NOC3L: variants seen among roughly 807,000 people sequenced by gnomAD.
The protein encoded by NOC3L is nucleolar complex protein 3 homolog.
A neutral mutation model predicts 102.5 loss-of-function variants in NOC3L; 85 were observed. That is an observed-to-expected ratio of 0.83 (90% CI 0.70 to 0.99). The LOEUF (loss-of-function observed/expected upper bound fraction) is 0.99, where lower values mean the gene tolerates loss of function less well. NOC3L is among the 50% of genes least tolerant of loss of function. NOC3L has a pLI of 0.00. For missense variants in NOC3L, 878 were observed against 914.9 expected (o/e 0.96, Z 0.52); for synonymous variants, 303 against 309.4 (o/e 0.98, Z 0.22).
the NOC3L span, chr10:94,324,944 A>G: frequency 6.2e-7 from 1 of 1,614,208 alleles, no homozygotes; most frequent in Non-Finnish European, 8.5e-7. Context: ...GAACTCAAGA[A>G]GCTCACCAAG....
chr10:94,343,152 G>A (rs939321772), intron 13 of NOC3L, among the ~76,000 whole-genome samples: 1 of 151,426 alleles, frequency 6.6e-6, no homozygotes, highest in African/African-American at 2.4e-5. Context: ...GGGGGAGCTT[G>A]CAATTTTAAA....
At chr10:94,317,008 T>G in the NOC3L span, among the ~76,000 whole-genome samples, 2 of 152,182 alleles carry the variant, frequency 1.3e-5, no homozygotes, top group Non-Finnish European at 2.9e-5. Flanking sequence ...CTCAGCATTT[T>G]GGGAGGCCGA....
At position 94,357,203 on chromosome 10, in the gene NOC3L, C is replaced by A. The variant is rs369586078; in HGVS notation, c.479G>T (p.Gly160Val). 10 of 1,596,522 alleles carry A rather than the reference C, an allele frequency of 6.3e-6. No homozygotes were observed. The highest frequency in any genetic ancestry group is 1.7e-5 in the Admixed American group (1 of 57,994). Reference sequence around the variant, plus strand: ...CTTCTCCCTAGTCTGTGGGATTATACCACTTTTATCTTTGATAGGAAGTAA... The same window carrying A: ...CTTCTCCCTAGTCTGTGGGATTATAACACTTTTATCTTTGATAGGAAGTAA... ...IHLLPIKDKS[G>V]IIPQTREKPV... Residue 160 changes from glycine to valine, a missense_variant, in exon 4 of 21, where the codon GGT becomes GTT. By Grantham distance (109) the Gly-to-Val change is moderately radical. Coordinates refer to ENST00000371361, the MANE Select transcript of NOC3L (RefSeq NM_022451.11).
the NOC3L span, among the ~76,000 whole-genome samples, chr10:94,322,727 G>C: frequency 6.6e-6 from 1 of 151,946 alleles, no homozygotes; most frequent in African/African-American, 2.4e-5. Context: ...AGAGGTTGCA[G>C]TGAGCCGAGA....
Position 94,358,230 on chromosome 10 carries a change from C to T in NOC3L, c.218-15G>A, listed in dbSNP as rs2054511338. 1 of 1,241,534 alleles carries T rather than the reference C, an allele frequency of 8.1e-7. No homozygotes were observed. Among genetic ancestry groups the T allele is most frequent in the Non-Finnish European group, 1.2e-6 (1 of 856,754 alleles). The allele number at this position is 1,241,534 out of a possible 1,614,324, so 76.9% of individuals were successfully genotyped here. On this transcript the variant is annotated splice_polypyrimidine_tract_variant and intron_variant, in intron 2 of 20. Coordinates refer to ENST00000371361, the MANE Select transcript of NOC3L (RefSeq NM_022451.11). ...AATCCTTTTACCTGTACCACACACA[C>T]ACACACACAAAGAAAAATTAGAAAC...
rs142305111 is a variant in NOC3L at position 94,350,257 on chromosome 10, A to C, written c.984T>G (p.Asn328Lys). The C allele has an allele frequency of 6.2e-7, 1 of 1,614,164 alleles. No homozygotes were observed. Among genetic ancestry groups the C allele is most frequent in the Non-Finnish European group, 8.5e-7 (1 of 1,180,020 alleles). Residue 328 changes from asparagine to lysine, a missense_variant, in exon 9 of 21, where the codon AAT (asparagine) becomes AAG (lysine). Coordinates refer to ENST00000371361, the MANE Select transcript of NOC3L (RefSeq NM_022451.11). ...DWKQRKLKKS[N>K]VVSLKAYKGL... ...CTTTGTATGCCTTTAAGGAAACTAC[A>C]TTACTTTTCTTCAGCTTCCTCTGCT...
At chr10:94,358,779 T>C (rs912020603) in intron 2 of NOC3L, among the ~76,000 whole-genome samples, 1 of 152,182 alleles carries the variant, frequency 6.6e-6, no homozygotes, top group African/African-American at 2.4e-5. Context: ...ATGTAACCTT[T>C]CAATCCACTG....
At chr10:94,328,237 G>A (rs1040856592), downstream of NOC3L, 4 of 272,052 alleles carry the variant, frequency 1.5e-5, no homozygotes, top group Non-Finnish European at 1.5e-5. Flanking sequence ...AAGCTTGTCT[G>A]TAAAGGGCCA....
At chr10:94,362,102 CCAAACAGGTTA>C in intron 1 of NOC3L, 1 of 582,934 alleles carries the variant, frequency 1.7e-6, no homozygotes, top group Non-Finnish European at 3.1e-6. Context: ...TCTACGATCC[CCAAACAGGTTA>C]AGAACCACTG....
intron 6 of NOC3L, 22 bp downstream of exon 6, chr10:94,354,941 T>C: frequency 6.2e-7 from 1 of 1,609,740 alleles, no homozygotes; most frequent in African/African-American, 1.3e-5. Flanking sequence ...ACAAAGAGCC[T>C]AAAGAAATTA....
At position 94,334,181 on chromosome 10, in the gene NOC3L, T is replaced by C. The variant is rs150626689; in HGVS notation, c.2399A>G (p.His800Arg). The C allele has an allele frequency of 1.4e-3, 1,795 of 1,309,738 alleles. 2 individuals carry two copies. The highest frequency in any genetic ancestry group is 1.9e-3 in the African/African-American group (132 of 68,984). The allele number at this position is 1,309,738 out of a possible 1,614,324, so 81.1% of individuals were successfully genotyped here. A position where few individuals can be genotyped will look rare whatever the true frequency, so the allele number is the denominator to read the frequency against. Residue 800 changes from histidine (H) to arginine (R), a missense_variant, in exon 21 of 21, where the codon CAC (histidine) becomes CGC (arginine). Physicochemically the swap from His to Arg is conservative, Grantham distance 29. Coordinates refer to ENST00000371361, the MANE Select transcript of NOC3L (RefSeq NM_022451.11). The stretch of plus-strand genomic sequence containing the variant: ...TCCACTGACTTCATTCCTCTACTAG[T>C]GTAGTGATGTTTTCAAATATTTCGT... ...DFTKYLKTSL[H>R]
At chr10:94,350,696 G>A (rs1198960421) in intron 8 of NOC3L, among the ~76,000 whole-genome samples, 7 of 133,520 alleles carry the variant, frequency 5.2e-5, no homozygotes, top group South Asian at 2.3e-4. Context: ...CCAGCCTGGC[G>A]ACAGAGCAAG....
At chr10:94,341,430 T>TC (rs2054283618) in intron 14 of NOC3L, among the ~76,000 whole-genome samples, 1 of 150,074 alleles carries the variant, frequency 6.7e-6, no homozygotes, top group Non-Finnish European at 1.5e-5. Context: ...ATGCATCAAT[T>TC]TAAAAAAAAA....
rs1161994276 is a variant in NOC3L at position 94,334,145 on chromosome 10, A to G, written c.*32T>C. 2.0e-6 allele frequency: 2 copies of G among 978,260 alleles called. No homozygotes were observed. The highest frequency in any genetic ancestry group is 3.2e-6 in the Non-Finnish European group (2 of 615,524). 60.6% of individuals were successfully genotyped at this position (978,260 alleles called of 1,614,324 possible). A position where few individuals can be genotyped will look rare whatever the true frequency, so the allele number is the denominator to read the frequency against. On this transcript the variant is annotated 3_prime_UTR_variant, in exon 21 of 21. Transcript: ENST00000371361. Reference sequence around the variant, plus strand: ...TTTATGTACATCTGCACACACAAATATACAAGAAAGTCCACTGACTTCATT... The same window carrying G: ...TTTATGTACATCTGCACACACAAATGTACAAGAAAGTCCACTGACTTCATT...
chr10:94,322,784 TAA>T, the NOC3L span, among the ~76,000 whole-genome samples: 7 of 139,878 alleles, frequency 5.0e-5, no homozygotes, highest in Non-Finnish European at 6.2e-5. Flanking sequence ...AAACTTCGTC[TAA>T]AAAAAAAAAA....
intron 8 of NOC3L, among the ~76,000 whole-genome samples, chr10:94,350,535 C>T (rs1324302045): frequency 6.6e-6 from 1 of 151,346 alleles, no homozygotes; most frequent in Non-Finnish European, 1.5e-5. Context: ...ATGGTGAAAC[C>T]CCATCTCTAC....
At chr10:94,358,801 T>C (rs2054517781) in intron 2 of NOC3L, among the ~76,000 whole-genome samples, 1 of 152,146 alleles carries the variant, frequency 6.6e-6, no homozygotes, top group African/African-American at 2.4e-5. Flanking sequence ...CCACTCCACT[T>C]TCTATCTACC....
the NOC3L span, chr10:94,324,487 G>A: frequency 3.5e-5 from 56 of 1,614,202 alleles, no homozygotes; most frequent in African/African-American, 6.8e-4. Context: ...GGTCCTTCTG[G>A]ATCAGGAGTG....
At chr10:94,317,747 T>C in the NOC3L span, among the ~76,000 whole-genome samples, 2 of 152,016 alleles carry the variant, frequency 1.3e-5, no homozygotes. Flanking sequence ...TTTTTTTCCC[T>C]GAATTAACTG....
Sources: allele counts gnomAD v4.1 joint callset (sites outside exome capture counted in the v4.1 genomes callset), GRCh38; gene constraint gnomAD v4.1.1; transcripts MANE v1.5; gene names NCBI Gene and HGNC (gene_info 2026-07-23, HGNC 2026-07-21).